ZFP64: variants seen among roughly 807,000 people sequenced by gnomAD.
ZFP64 encodes the protein zinc finger protein 64.
Under a neutral mutation model 51.6 loss-of-function variants are expected in ZFP64, and 14 were observed. That is an observed-to-expected ratio of 0.27 (90% confidence interval 0.18 to 0.42). ZFP64 has a LOEUF of 0.42. ZFP64 is among the 10% of genes least tolerant of loss of function. The probability of loss-of-function intolerance (pLI) is 1.00; values close to 1 mark genes in which losing one functional copy is unlikely to be tolerated. For missense variants in ZFP64, 754 were observed against 906.8 expected (o/e 0.83, Z 2.16); for synonymous variants, 375 against 361.4 (o/e 1.04, Z -0.43).
chr20:52,104,923 C>A, intron 5 of ZFP64: 1 of 670,002 alleles, frequency 1.5e-6, no homozygotes, highest in Non-Finnish European at 2.6e-6. Flanking sequence ...TAGAGGAATC[C>A]AGGCGGGGAA....
chr20:52,091,222 G>T (rs574611159), intron 7 of ZFP64, among the ~76,000 whole-genome samples: 3 of 151,930 alleles, frequency 2.0e-5, no homozygotes, highest in Admixed American at 1.3e-4. Context: ...TATAGGTCAG[G>T]TGCTGTGGCT....
intron 5 of ZFP64, among the ~76,000 whole-genome samples, chr20:52,128,990 T>G (rs901241609): frequency 3.9e-5 from 6 of 152,208 alleles, no homozygotes; most frequent in Non-Finnish European, 7.4e-5. Flanking sequence ...CTGGGCTCAC[T>G]GCTACCTCCG....
chr20:52,125,010 G>A (rs566307145), intron 5 of ZFP64, among the ~76,000 whole-genome samples: 2 of 152,142 alleles, frequency 1.3e-5, no homozygotes, highest in Admixed American at 1.3e-4. Context: ...GTGTGCTGGG[G>A]CATCTTTCAG....
intron 7 of ZFP64, among the ~76,000 whole-genome samples, chr20:52,095,143 C>T (rs1234417131): frequency 6.6e-6 from 1 of 152,252 alleles, no homozygotes; most frequent in African/African-American, 2.4e-5. Flanking sequence ...CAGAGACACA[C>T]GCTGACCTTT....
intron 5 of ZFP64, chr20:52,110,974 C>A (rs1978533138): frequency 6.7e-7 from 1 of 1,503,116 alleles, no homozygotes; most frequent in Admixed American, 1.7e-5. Flanking sequence ...GACGAACCTG[C>A]TTTTGGGAAT....
At chr20:52,119,539 T>A (rs1283358871) in intron 5 of ZFP64, among the ~76,000 whole-genome samples, 11 of 121,192 alleles carry the variant, frequency 9.1e-5, no homozygotes, top group South Asian at 7.3e-4. Flanking sequence ...AAAAAATATA[T>A]ATATATATAT....
At chr20:52,134,589 C>G (rs976183572) in intron 5 of ZFP64, among the ~76,000 whole-genome samples, 7 of 152,122 alleles carry the variant, frequency 4.6e-5, no homozygotes, top group African/African-American at 1.7e-4. Context: ...TGCCTTATGG[C>G]TTTTCAAGAG....
intron 2 of ZFP64, among the ~76,000 whole-genome samples, chr20:52,174,639 A>C (rs899248335): frequency 6.6e-6 from 1 of 152,198 alleles, no homozygotes; most frequent in African/African-American, 2.4e-5. Flanking sequence ...ATGGCCACAT[A>C]ATATTTCATC....
At chr20:52,100,358 G>C (rs1304582107) in intron 5 of ZFP64, among the ~76,000 whole-genome samples, 3 of 152,086 alleles carry the variant, frequency 2.0e-5, no homozygotes, top group South Asian at 2.1e-4. Flanking sequence ...CGATTCTCCT[G>C]CCTCAGACTC....
At chr20:52,119,529 AAAAAAT>A (rs1227120828) in intron 5 of ZFP64, among the ~76,000 whole-genome samples, 51 of 75,232 alleles carry the variant, frequency 6.8e-4, no homozygotes, top group Non-Finnish European at 1.0e-3. Context: ...CTAAAAAAAA[AAAAAAT>A]ATATATATAT....
intron 5 of ZFP64, among the ~76,000 whole-genome samples, chr20:52,158,543 T>G (rs1336645574): frequency 2.6e-5 from 4 of 151,830 alleles, no homozygotes; most frequent in Admixed American, 2.6e-4. Context: ...CCATCTCTAC[T>G]AAAATACAAA....
intron 5 of ZFP64, among the ~76,000 whole-genome samples, chr20:52,138,414 C>T (rs1007879006): frequency 6.6e-6 from 1 of 150,740 alleles, no homozygotes; most frequent in Non-Finnish European, 1.5e-5. Context: ...CTATCAAAGA[C>T]AAGGAGAGGC....
At chr20:52,096,354 A>C (rs561043119) in intron 7 of ZFP64, among the ~76,000 whole-genome samples, 1 of 152,358 alleles carries the variant, frequency 6.6e-6, no homozygotes, top group South Asian at 2.1e-4. Flanking sequence ...TAAGCGATGC[A>C]GAGAACTACA....
At position 52,093,935 on chromosome 20, in the gene ZFP64, A is replaced by G. The variant is rs115840367; in HGVS notation, c.976+3438T>C. Among the ~76,000 whole-genome samples the G allele has an allele frequency of 7.8e-3, 1,188 of 152,280 alleles. 14 individuals are homozygous for G. The highest frequency in any genetic ancestry group is 0.027 in the African/African-American group (1,126 of 41,562). On this transcript the variant is annotated intron_variant, in intron 7 of 8. Transcript: ENST00000361387. ...AAAGTATGAAAATTGCACATTTAAC[A>G]TTGATGATTATATCACAATATGATT...
At chr20:52,180,566 A>AAAAAAAAAAAC (rs1983543858) in intron 2 of ZFP64, among the ~76,000 whole-genome samples, 1 of 151,928 alleles carries the variant, frequency 6.6e-6, no homozygotes, top group African/African-American at 2.4e-5. Context: ...AAAAAAAAAA[A>AAAAAAAAAAAC]AAATCAATCT....
At position 52,106,035 on chromosome 20, in the gene ZFP64, C is replaced by T. The variant is rs144610171; in HGVS notation, c.764-7448G>A. Among the ~76,000 whole-genome samples the T allele has an allele frequency of 1.1e-3, 173 of 152,314 alleles. 1 individual carries two copies. Among genetic ancestry groups the T allele is most frequent in the Non-Finnish European group, 1.8e-3 (121 of 68,030 alleles). ...ATGCAGATTCCGAAAGTTCTGGATT[C>T]AGGTGGCCGAGGCCAGAAATGTGTG... On this transcript the variant is annotated intron_variant, in intron 5 of 8. Coordinates refer to the ZFP64 transcript ENST00000361387.
At chr20:52,105,179 G>T (rs762280766) in intron 5 of ZFP64, 1 of 1,434,780 alleles carries the variant, frequency 7.0e-7, no homozygotes, top group Admixed American at 2.8e-5. Flanking sequence ...CTCCCGGCGC[G>T]CAGGCCGCGG....
At chr20:52,110,908 C>A (rs534402674) in intron 5 of ZFP64, 2 of 1,606,702 alleles carry the variant, frequency 1.2e-6, no homozygotes, top group South Asian at 2.2e-5. Flanking sequence ...TTCAGCAAGA[C>A]GCCTGAACTC....
At chr20:52,135,096 T>C (rs1353671163) in intron 5 of ZFP64, among the ~76,000 whole-genome samples, 1 of 152,146 alleles carries the variant, frequency 6.6e-6, no homozygotes, top group Non-Finnish European at 1.5e-5. Context: ...ACTCCTGACC[T>C]CAAGTGATCT....
Sources: gnomAD v4.1 joint callset for allele counts (sites outside exome capture counted in the v4.1 genomes callset) on GRCh38, gnomAD v4.1.1 for gene constraint, MANE v1.5 for transcripts, NCBI Gene and HGNC (gene_info 2026-07-23, HGNC 2026-07-21) for gene names.